Variants in GPC3 observed in about 807,000 individuals in gnomAD.
The protein encoded by GPC3 is glypican 3.
GPC3 carries 3 observed loss-of-function variants against 34.4 expected under a neutral mutation model. That is an observed-to-expected ratio of 0.09 (90% confidence interval 0.04 to 0.23). GPC3 has a LOEUF of 0.23. Ranked by LOEUF, GPC3 falls within the 10% of genes least tolerant of loss-of-function variation. GPC3 has a pLI of 1.00. For missense variants in GPC3, 351 were observed against 445.6 expected, an observed-to-expected ratio of 0.79 and a Z score of 1.91; for synonymous variants, 177 against 174.0, an observed-to-expected ratio of 1.02 and a Z score of -0.13.
intron 2 of GPC3, among the ~76,000 whole-genome samples, chrX:133,913,444 G>A (rs925414517): frequency 8.9e-6 from 1 of 112,589 alleles, no homozygotes; most frequent in Non-Finnish European, 1.9e-5. Flanking sequence ...ATTACAAGGT[G>A]TTTCAGAATT....
chrX:133,832,228 G>T (rs2075778818), intron 2 of GPC3, among the ~76,000 whole-genome samples: 1 of 110,819 alleles, frequency 9.0e-6, no homozygotes, highest in Non-Finnish European at 1.9e-5. Flanking sequence ...TGCAGTGAGT[G>T]GAGATCGCAC....
chrX:133,681,730 C>CT (rs1181498292), intron 5 of GPC3, among the ~76,000 whole-genome samples: 1 of 112,059 alleles, frequency 8.9e-6, no homozygotes, highest in African/African-American at 3.2e-5. Context: ...GCTTCCCTAA[C>CT]ATACCTTTCC....
At position 133,910,697 on chromosome X, in the gene GPC3, T is replaced by TA. The variant is rs1245109080; in HGVS notation, c.337+42352dup. ...ACAATCTAAGCACAAAGAAGGCACT[T>TA]ACAACCATCTGTCAATTGCATTGAC... On this transcript the variant is annotated intron_variant, in intron 2 of 7. Coordinates refer to ENST00000370818, the MANE Select transcript of GPC3 (RefSeq NM_004484.4). Among the ~76,000 whole-genome samples, 5 of 112,261 alleles carry TA rather than the reference T, an allele frequency of 4.5e-5. No individual in the cohort carries two copies. The East Asian group carries it at 1.4e-3, about 31-fold the overall frequency.
At chrX:133,913,359 T>C (rs1373837429) in intron 2 of GPC3, among the ~76,000 whole-genome samples, 1 of 112,564 alleles carries the variant, frequency 8.9e-6, no homozygotes, top group Middle Eastern at 4.2e-3. Context: ...TAAGTGCCAA[T>C]GAATTTAGCA....
intron 6 of GPC3, among the ~76,000 whole-genome samples, chrX:133,626,139 C>CCTTA (rs1194630090): frequency 4.5e-5 from 5 of 111,878 alleles, no homozygotes; most frequent in African/African-American, 1.6e-4. Context: ...TGGATCCCTT[C>CCTTA]CTTACACCTT....
intron 6 of GPC3, among the ~76,000 whole-genome samples, chrX:133,635,193 G>A (rs1156714947): frequency 9.0e-6 from 1 of 111,607 alleles, no homozygotes; most frequent in Non-Finnish European, 1.9e-5. Flanking sequence ...TAAACTCCTT[G>A]CTCTGTAGAA....
At chrX:133,943,256 G>T (rs1452653414) in intron 2 of GPC3, among the ~76,000 whole-genome samples, 1 of 112,189 alleles carries the variant, frequency 8.9e-6, no homozygotes, top group Admixed American at 9.4e-5. Context: ...GTAAAAGGGG[G>T]TTACGTAACT....
chrX:133,666,936 A>AT (rs1180182830), intron 5 of GPC3, among the ~76,000 whole-genome samples: 2 of 112,184 alleles, frequency 1.8e-5, no homozygotes, highest in Admixed American at 1.9e-4. Flanking sequence ...GTGAAATCTT[A>AT]TTTTTTTATA....
At chrX:133,612,282 G>A (rs374078312) in intron 6 of GPC3, among the ~76,000 whole-genome samples, 1 of 111,745 alleles carries the variant, frequency 8.9e-6, no homozygotes, top group Admixed American at 9.5e-5. Context: ...TAAAACATTC[G>A]CTCCTTTATG....
At chrX:133,840,585 T>A (rs1046573244) in intron 2 of GPC3, among the ~76,000 whole-genome samples, 1 of 110,423 alleles carries the variant, frequency 9.1e-6, no homozygotes, top group Non-Finnish European at 1.9e-5. Context: ...TTACTATATG[T>A]TAACTATCAT....
intron 3 of GPC3, among the ~76,000 whole-genome samples, chrX:133,724,336 T>G (rs952489310): frequency 8.9e-6 from 1 of 112,096 alleles, no homozygotes; most frequent in Non-Finnish European, 1.9e-5. Context: ...AAATAATAAT[T>G]AACAGAAAGA....
At chrX:133,827,867 C>T (rs1459808190) in intron 2 of GPC3, among the ~76,000 whole-genome samples, 1 of 103,604 alleles carries the variant, frequency 9.7e-6, no homozygotes, top group Non-Finnish European at 2.0e-5. Flanking sequence ...ATCCCTTGAA[C>T]CCGGGAGGCG....
chrX:133,931,490 G>C (rs189741934), intron 2 of GPC3, among the ~76,000 whole-genome samples: 4 of 111,383 alleles, frequency 3.6e-5, no homozygotes, highest in Non-Finnish European at 3.8e-5. Context: ...TATGGGGAAA[G>C]AAGGACCCAG....
chrX:133,927,197 G>A (rs889862016), intron 2 of GPC3, among the ~76,000 whole-genome samples: 8 of 111,158 alleles, frequency 7.2e-5, no homozygotes, highest in Non-Finnish European at 1.3e-4. Context: ...GCAGATGGGT[G>A]GGAATATTAT....
chrX:133,870,593 G>A (rs750028784), intron 2 of GPC3, among the ~76,000 whole-genome samples: 52 of 110,208 alleles, frequency 4.7e-4, no homozygotes, highest in South Asian at 1.1e-3. Context: ...CACTCTTAGC[G>A]AATGATATTT....
chrX:133,965,700 C>T (rs2076460435), intron 1 of GPC3, among the ~76,000 whole-genome samples: 1 of 111,981 alleles, frequency 8.9e-6, no homozygotes, highest in East Asian at 2.8e-4. Flanking sequence ...CTAATACACT[C>T]TCTTTCCTCC....
chrX:133,811,177 T>C (rs1210838543), intron 2 of GPC3, among the ~76,000 whole-genome samples: 1 of 112,312 alleles, frequency 8.9e-6, no homozygotes, highest in East Asian at 2.8e-4. Context: ...TGTGAGTCAC[T>C]TCTAAATGTA....
At chrX:133,571,943 T>A (rs756842213) in intron 7 of GPC3, among the ~76,000 whole-genome samples, 16 of 111,987 alleles carry the variant, frequency 1.4e-4, no homozygotes, top group African/African-American at 5.2e-4. Context: ...ATTGACTGAA[T>A]CTTGTTTTAA....
At chrX:133,762,175 A>G (rs2071799318) in intron 2 of GPC3, among the ~76,000 whole-genome samples, 1 of 112,260 alleles carries the variant, frequency 8.9e-6, no homozygotes, top group South Asian at 3.7e-4. Context: ...TCTCACAAGT[A>G]TGAGTAGCAA....
Sources: gnomAD v4.1 joint callset for allele counts (sites outside exome capture counted in the v4.1 genomes callset) on GRCh38, gnomAD v4.1.1 for gene constraint, MANE v1.5 for transcripts, NCBI Gene and HGNC (gene_info 2026-07-23, HGNC 2026-07-21) for gene names.